Variants in IL1RAPL1 observed in about 807,000 individuals in gnomAD.
IL1RAPL1 encodes interleukin-1 receptor accessory protein-like 1.
IL1RAPL1 carries 3 observed loss-of-function variants against 48.4 expected under a neutral mutation model. The ratio of observed to expected loss-of-function variants is 0.06; its 90% confidence interval spans 0.03 to 0.16. IL1RAPL1 has a LOEUF of 0.16. IL1RAPL1 is among the 10% of genes least tolerant of loss of function. The pLI, the probability that IL1RAPL1 is intolerant of heterozygous loss-of-function variation, is 1.00. For synonymous variants in IL1RAPL1, 185 were observed against 187.7 expected, an observed-to-expected ratio of 0.99 and a Z score of 0.12; for missense variants, 349 against 530.6, an observed-to-expected ratio of 0.66 and a Z score of 3.36.
At chrX:29,475,163 G>A (rs1390549190) in intron 5 of IL1RAPL1, among the ~76,000 whole-genome samples, 1 of 111,571 alleles carries the variant, frequency 9.0e-6, no homozygotes, top group Non-Finnish European at 1.9e-5. Flanking sequence ...AGATTTAGTT[G>A]TTTATGCTTA....
intron 3 of IL1RAPL1, among the ~76,000 whole-genome samples, chrX:29,323,631 C>T (rs1353281236): frequency 2.1e-5 from 2 of 93,824 alleles, no homozygotes; most frequent in Non-Finnish European, 4.2e-5. Flanking sequence ...CATCTCCAAC[C>T]CTTGCATTTC....
chrX:29,487,053 G>A (rs1240880021), intron 5 of IL1RAPL1, among the ~76,000 whole-genome samples: 1 of 72,838 alleles, frequency 1.4e-5, no homozygotes, highest in Non-Finnish European at 2.7e-5. Flanking sequence ...AGTAGCGAGG[G>A]GCTAAAACAT....
chrX:29,339,165 T>C (rs1265833277), intron 3 of IL1RAPL1, among the ~76,000 whole-genome samples: 1 of 109,573 alleles, frequency 9.1e-6, no homozygotes, highest in South Asian at 3.9e-4. Context: ...GTGATAAAAA[T>C]TGGACAAGTC....
intron 2 of IL1RAPL1, among the ~76,000 whole-genome samples, chrX:29,113,645 C>G (rs1928618333): frequency 1.8e-5 from 2 of 111,337 alleles, no homozygotes; most frequent in Admixed American, 1.9e-4. Flanking sequence ...TTTTTTGCTA[C>G]TATTATAACC....
chrX:28,805,530 A>T (rs1392173535), intron 2 of IL1RAPL1, among the ~76,000 whole-genome samples: 1 of 111,184 alleles, frequency 9.0e-6, no homozygotes, highest in Non-Finnish European at 1.9e-5. Context: ...TGATAATCTC[A>T]GTGAAGAACT....
chrX:29,118,105 A>G (rs887233470), intron 2 of IL1RAPL1, among the ~76,000 whole-genome samples: 1 of 111,917 alleles, frequency 8.9e-6, no homozygotes, highest in African/African-American at 3.2e-5. Context: ...TGTTGCATAA[A>G]TGTTTGTCTT....
chrX:28,670,173 T>A (rs140401226), intron 1 of IL1RAPL1, among the ~76,000 whole-genome samples: 2 of 111,885 alleles, frequency 1.8e-5, no homozygotes, highest in African/African-American at 6.5e-5. Context: ...GGTCACCCGC[T>A]TTAAAGCAAA....
At chrX:29,399,513 G>C (rs1480462193) in intron 5 of IL1RAPL1, among the ~76,000 whole-genome samples, 6 of 111,852 alleles carry the variant, frequency 5.4e-5, no homozygotes, top group Non-Finnish European at 5.6e-5. Flanking sequence ...AATATGTTTA[G>C]GGAGTTATAG....
At chrX:29,481,736 T>C in intron 5 of IL1RAPL1, among the ~76,000 whole-genome samples, 1 of 112,128 alleles carries the variant, frequency 8.9e-6, no homozygotes. Context: ...GAAGTGCAAC[T>C]ACCCTGATGT....
intron 1 of IL1RAPL1, chrX:28,659,443 G>C: frequency 1.9e-6 from 1 of 525,669 alleles, no homozygotes; most frequent in Non-Finnish European, 3.5e-6. Flanking sequence ...CAGTCGATTT[G>C]CGGGAAGTCA....
rs1308986057 is a variant in IL1RAPL1, at chrX:28,672,666, C to T, written c.-25+84619C>T. Reference sequence around the variant, plus strand: ...CTTTCTAGTGGCAGTACAACAATTACAGCTACCTGCCAGCCCCATCACCCC... The same window carrying T: ...CTTTCTAGTGGCAGTACAACAATTATAGCTACCTGCCAGCCCCATCACCCC... On this transcript the variant is annotated intron_variant, in intron 1 of 10. Coordinates refer to ENST00000378993, the MANE Select transcript of IL1RAPL1 (RefSeq NM_014271.4). Among the ~76,000 whole-genome samples, 4 of 111,437 alleles carry T rather than the reference C, an allele frequency of 3.6e-5. No individual in the cohort carries two copies. The East Asian group carries it at 1.1e-3, about 31-fold the overall frequency.
Position 29,350,191 on chromosome X carries a change from T to TTATATATATATA in IL1RAPL1, c.363-46045_363-46034dup, listed in dbSNP as rs397897010. On this transcript the variant is annotated intron_variant, in intron 3 of 10. Transcript: ENST00000378993. Reference sequence around the variant, plus strand: ...CTCCCTTGGTCTACATACTGTTATTTTATATATATATATATATATATATAT... The same window carrying TTATATATATATA: ...CTCCCTTGGTCTACATACTGTTATTTTATATATATATATATATATATATATATATATATATAT... Among the ~76,000 whole-genome samples, 123 of 39,410 alleles carry TTATATATATATA rather than the reference T, an allele frequency of 3.1e-3. 6 individuals are homozygous for TTATATATATATA. Among genetic ancestry groups the TTATATATATATA allele is most frequent in the African/African-American group, 0.018 (103 of 5,740 alleles). The allele number at this position is 39,410 out of a possible 115,157, so 34.2% of individuals were successfully genotyped here.
intron 1 of IL1RAPL1, among the ~76,000 whole-genome samples, chrX:28,737,209 T>C (rs867610936): frequency 5.9e-5 from 2 of 33,965 alleles, no homozygotes; most frequent in South Asian, 1.5e-3. Context: ...TTCTTTCTCT[T>C]TCTTTCTTTC....
chrX:28,684,939 C>G (rs1420371996), intron 1 of IL1RAPL1, among the ~76,000 whole-genome samples: 1 of 111,425 alleles, frequency 9.0e-6, no homozygotes, highest in Non-Finnish European at 1.9e-5. Flanking sequence ...TCATGAGTCT[C>G]CAAAGGCTCT....
chrX:29,487,975 G>A (rs1935114313), intron 5 of IL1RAPL1, among the ~76,000 whole-genome samples: 1 of 111,433 alleles, frequency 9.0e-6, no homozygotes, highest in African/African-American at 3.3e-5. Flanking sequence ...TTCATCTTTA[G>A]TCTTCCTAAG....
At chrX:28,844,648 C>A (rs1921461694) in intron 2 of IL1RAPL1, among the ~76,000 whole-genome samples, 1 of 110,593 alleles carries the variant, frequency 9.0e-6, no homozygotes, top group Non-Finnish European at 1.9e-5. Context: ...GTAATAAGTC[C>A]TCTGGAAGAT....
intron 1 of IL1RAPL1, among the ~76,000 whole-genome samples, chrX:28,683,235 C>T (rs764566854): frequency 9.0e-6 from 1 of 111,134 alleles, no homozygotes; most frequent in East Asian, 2.8e-4. Context: ...TGAAGTATAG[C>T]AGCTGACATG....
chrX:29,702,142 C>A (rs181179690), intron 6 of IL1RAPL1, among the ~76,000 whole-genome samples: 1 of 110,176 alleles, frequency 9.1e-6, no homozygotes, highest in East Asian at 2.9e-4. Flanking sequence ...GTAATCCCAG[C>A]TACTCTGGAG....
intron 5 of IL1RAPL1, among the ~76,000 whole-genome samples, chrX:29,412,572 A>C (rs1295894453): frequency 8.9e-6 from 1 of 112,439 alleles, no homozygotes; most frequent in Non-Finnish European, 1.9e-5. Flanking sequence ...TACAAAATTG[A>C]TTTTACCTCT....
Sources: allele counts gnomAD v4.1 joint callset (sites outside exome capture counted in the v4.1 genomes callset), GRCh38; gene constraint gnomAD v4.1.1; transcripts MANE v1.5; gene names NCBI Gene and HGNC (gene_info 2026-07-23, HGNC 2026-07-21).